ARID2: variants seen among roughly 807,000 people sequenced by gnomAD.
The protein encoded by ARID2 is AT-rich interaction domain 2, also known as AT-rich interactive domain-containing protein 2.
In ARID2, 32 loss-of-function variants were observed where a neutral mutation model predicts 184.6. That is an observed-to-expected ratio of 0.17 (90% CI 0.13 to 0.23). ARID2 has a LOEUF of 0.23. Among genes scored for constraint, ARID2 ranks in the 10% least tolerant of loss-of-function variants. The pLI is 1.00. For synonymous variants in ARID2, 836 were observed against 772.6 expected (o/e 1.08, Z -1.36); for missense variants, 1,696 against 2,197.6 (o/e 0.77, Z 4.56).
chr12:45,859,972 T>TCCACCC (rs1360070895), intron 15 of ARID2, among the ~76,000 whole-genome samples: 1 of 152,182 alleles, frequency 6.6e-6, no homozygotes, highest in Non-Finnish European at 1.5e-5. Context: ...CCTCAGGTGA[T>TCCACCC]CCACCCCCCT....
At chr12:45,821,242 T>G (rs531145178) in intron 5 of ARID2, among the ~76,000 whole-genome samples, 178 bp from the exon 6 acceptor site, 170 of 152,274 alleles carry the variant, frequency 1.1e-3, no homozygotes, top group Non-Finnish European at 1.7e-3. Context: ...TCTTTAAATC[T>G]AAAAACAATG....
In ARID2 at chr12:45,907,644, A is replaced by C. The variant is rs555950057; in HGVS notation, c.*2566A>C. 2 of 233,214 alleles carry C rather than the reference A, an allele frequency of 8.6e-6. No homozygotes were observed. Among genetic ancestry groups the C allele is most frequent in the East Asian group, 1.2e-4 (2 of 16,426 alleles). 14.4% of individuals were successfully genotyped at this position (233,214 alleles called of 1,614,324 possible). A position where few individuals can be genotyped will look rare whatever the true frequency, so the allele number is the denominator to read the frequency against. On this transcript the variant is annotated 3_prime_UTR_variant, in exon 21 of 21. Coordinates refer to ENST00000334344, the MANE Select transcript of ARID2 (RefSeq NM_152641.4). Reference sequence around the variant, plus strand: ...AGTGCTTTTGCACAATAAGTTCTGCAAAACCCTCTCATTCATGAAAAGGTG... The same window carrying C: ...AGTGCTTTTGCACAATAAGTTCTGCCAAACCCTCTCATTCATGAAAAGGTG...
intron 15 of ARID2, among the ~76,000 whole-genome samples, chr12:45,855,415 A>G (rs74852494): frequency 6.6e-6 from 1 of 152,192 alleles, no homozygotes; most frequent in East Asian, 1.9e-4. Flanking sequence ...CTTTGCAAGG[A>G]AAAAGAGATG....
intron 3 of ARID2, among the ~76,000 whole-genome samples, chr12:45,732,522 A>G (rs1423535986): frequency 3.3e-5 from 5 of 152,304 alleles, no homozygotes; most frequent in Admixed American, 3.3e-4. Flanking sequence ...GTGTCAGAGT[A>G]CATTTTAAAT....
At chr12:45,774,325 TC>T (rs1314087755) in intron 3 of ARID2, among the ~76,000 whole-genome samples, 5 of 152,288 alleles carry the variant, frequency 3.3e-5, no homozygotes, top group African/African-American at 9.6e-5. Context: ...CCTTACATGT[TC>T]CTTGAATCAT....
chr12:45,805,201 G>A (rs1290730321), intron 3 of ARID2, among the ~76,000 whole-genome samples: 1 of 151,620 alleles, frequency 6.6e-6, no homozygotes, highest in Non-Finnish European at 1.5e-5. Flanking sequence ...TATATTTGCT[G>A]TCATTTTTAT....
intron 3 of ARID2, among the ~76,000 whole-genome samples, chr12:45,745,208 C>T (rs550162925): frequency 1.3e-5 from 2 of 152,122 alleles, no homozygotes; most frequent in South Asian, 2.1e-4. Context: ...ATTTAGATTC[C>T]TAAAGACAGG....
At chr12:45,893,920 G>A (rs1398078057) in intron 20 of ARID2, 199 bp downstream of exon 20, 2 of 419,150 alleles carry the variant, frequency 4.8e-6, no homozygotes, top group Admixed American at 4.2e-5. Context: ...CAACCAAAAG[G>A]TGGTCTCTTA....
intron 3 of ARID2, among the ~76,000 whole-genome samples, chr12:45,771,230 C>T (rs1440698411): frequency 2.0e-5 from 3 of 151,982 alleles, no homozygotes. Flanking sequence ...TGGTGGCTCA[C>T]GCCTGTGATC....
At chr12:45,831,921 A>C (rs1285788907) in intron 6 of ARID2, among the ~76,000 whole-genome samples, 1 of 152,102 alleles carries the variant, frequency 6.6e-6, no homozygotes, top group Admixed American at 6.5e-5. Flanking sequence ...CTTTCTTATT[A>C]TGTTGTCATA....
At chr12:45,780,274 A>C (rs1942064064) in intron 3 of ARID2, among the ~76,000 whole-genome samples, 1 of 152,202 alleles carries the variant, frequency 6.6e-6, no homozygotes, top group South Asian at 2.1e-4. Context: ...AATTAAAATA[A>C]CCATAAACAA....
intron 6 of ARID2, among the ~76,000 whole-genome samples, chr12:45,833,259 A>T (rs902852615): frequency 1.3e-5 from 2 of 152,110 alleles, no homozygotes; most frequent in African/African-American, 4.8e-5. Context: ...CTATGGGTTT[A>T]TTGGGACATA....
intron 6 of ARID2, among the ~76,000 whole-genome samples, chr12:45,829,733 T>C (rs1300116932): frequency 6.6e-6 from 1 of 151,442 alleles, no homozygotes; most frequent in Non-Finnish European, 1.5e-5. Context: ...AGATTATAAG[T>C]TATATTTTTC....
At chr12:45,864,017 A>G (rs1312709457) in intron 16 of ARID2, among the ~76,000 whole-genome samples, 2 of 151,600 alleles carry the variant, frequency 1.3e-5, no homozygotes, top group African/African-American at 4.9e-5. Context: ...CGCCACACCA[A>G]GCTAATTTTT....
chr12:45,745,958 A>G (rs957210632), intron 3 of ARID2, among the ~76,000 whole-genome samples: 2 of 151,818 alleles, frequency 1.3e-5, no homozygotes, highest in African/African-American at 4.8e-5. Context: ...CTAAACTTAC[A>G]TATTTGATAA....
rs377367131 is a variant in ARID2 at position 45,852,620 on chromosome 12, A to G, written c.4497A>G (p.Leu1499=). The part of the protein sequence containing the change: ...SGSKVSHSPA[L]SSDVRSTNGT... ...CAAAAGTATCCCATTCTCCTGCCCT[A>G]TCATCTGACGTTCGGTCTACAAATG... Residue 1499 remains leucine (L), a synonymous_variant, in exon 15 of 21, where the codon CTA becomes CTG. Transcript: ENST00000334344. The G allele has an allele frequency of 2.0e-4, 321 of 1,614,070 alleles. 1 individual carries two copies. The highest frequency in any genetic ancestry group is 2.3e-4 in the African/African-American group (17 of 74,938).
intron 3 of ARID2, among the ~76,000 whole-genome samples, chr12:45,778,954 A>T (rs559213706): frequency 6.6e-6 from 1 of 152,202 alleles, no homozygotes; most frequent in East Asian, 1.9e-4. Context: ...AAATTTTTAA[A>T]ATTGGCATCA....
At chr12:45,855,466 AGCATTCTTAT>A (rs1288677644) in intron 15 of ARID2, among the ~76,000 whole-genome samples, 1 of 152,246 alleles carries the variant, frequency 6.6e-6, no homozygotes, top group Non-Finnish European at 1.5e-5. Flanking sequence ...TAACAAAAAC[AGCATTCTTAT>A]ATATAGCACT....
intron 3 of ARID2, among the ~76,000 whole-genome samples, chr12:45,807,254 T>C (rs957864834): frequency 6.6e-6 from 1 of 152,232 alleles, no homozygotes; most frequent in Non-Finnish European, 1.5e-5. Flanking sequence ...ATATGAGTCC[T>C]TGCCCTATCA....
Sources: allele counts gnomAD v4.1 joint callset (sites outside exome capture counted in the v4.1 genomes callset), GRCh38; gene constraint gnomAD v4.1.1; transcripts MANE v1.5; gene names NCBI Gene and HGNC (gene_info 2026-07-23, HGNC 2026-07-21).